The following PPARA variants were observed in gnomAD, a reference collection of about 807,000 sequenced individuals.
PPARA encodes the protein peroxisome proliferator activated receptor alpha, also known as peroxisome proliferator-activated receptor alpha.
A neutral mutation model predicts 42.2 loss-of-function variants in PPARA; 22 were observed. The observed-to-expected ratio is 0.52, with a 90% CI of 0.37 to 0.74. The LOEUF (loss-of-function observed/expected upper bound fraction) is 0.74. Ranked by LOEUF, PPARA falls within the 30% of genes least tolerant of loss-of-function variation. The pLI, the probability that PPARA is intolerant of heterozygous loss-of-function variation, is 0.00. For synonymous variants in PPARA, 242 were observed against 239.3 expected (o/e 1.01, Z -0.10); for missense variants, 465 against 608.2 (o/e 0.76, Z 2.48).
At chr22:46,155,486 T>G (rs182434785) in intron 2 of PPARA, 2 of 152,360 alleles carry the variant, frequency 1.3e-5, no homozygotes, top group African/African-American at 4.8e-5. Flanking sequence ...GGCTATTTTT[T>G]GTATTTTTAG....
chr22:46,213,939 C>T (rs567495832), intron 4 of PPARA, among the ~76,000 whole-genome samples: 9 of 152,332 alleles, frequency 5.9e-5, no homozygotes, highest in Non-Finnish European at 1.0e-4. Flanking sequence ...TATATTACCA[C>T]ATGTGTATTG....
rs1260141511 is a variant in PPARA, at chr22:46,203,475, C to T, written c.208+4884C>T. Reference sequence around the variant, plus strand: ...TAAAGTGTACAATCTGTTGGGTGTACACACACACGCATCTGTGAAACCATC... The same window carrying T: ...TAAAGTGTACAATCTGTTGGGTGTATACACACACGCATCTGTGAAACCATC... On this transcript the variant is annotated intron_variant, in intron 4 of 8. Transcript: ENST00000407236. The surrounding 1 kb of genome is among the most constrained non-coding windows in gnomAD (Gnocchi z 5.8). Among the ~76,000 whole-genome samples the T allele has an allele frequency of 6.6e-6, 1 of 152,094 alleles. No homozygotes were observed. Among genetic ancestry groups the T allele is most frequent in the Non-Finnish European group, 1.5e-5 (1 of 68,018 alleles).
At position 46,163,702 on chromosome 22, in the gene PPARA, G is replaced by C. The variant is rs1474252299; in HGVS notation, c.-127+11732G>C. 6.6e-6 allele frequency: 1 copy of C among 152,246 alleles called. No individual in the cohort carries two copies. Among genetic ancestry groups the C allele is most frequent in the Non-Finnish European group, 1.5e-5 (1 of 68,066 alleles). The allele number at this position is 152,246 out of a possible 1,614,324, so 9.4% of individuals were successfully genotyped here. A position where few individuals can be genotyped will look rare whatever the true frequency, so the allele number is the denominator to read the frequency against. Reference sequence around the variant, plus strand: ...TTGCCCAGCCAGGGCGGTGGGGAGGGAGACAGCCACATCCTGCCCGGGGCT... The same window carrying C: ...TTGCCCAGCCAGGGCGGTGGGGAGGCAGACAGCCACATCCTGCCCGGGGCT... On this transcript the variant is annotated intron_variant, in intron 2 of 8. Transcript: ENST00000407236. The surrounding 1 kb of genome is among the most constrained non-coding windows in gnomAD (Gnocchi z 4.9).
chr22:46,218,475 A>C, intron 6 of PPARA, 74 bp downstream of exon 6: 1 of 1,594,284 alleles, frequency 6.3e-7, no homozygotes, highest in Non-Finnish European at 8.6e-7. Flanking sequence ...GGAACAGATC[A>C]AGCTATGGAT....
intron 4 of PPARA, among the ~76,000 whole-genome samples, chr22:46,201,034 T>G (rs1268008958): frequency 1.3e-5 from 2 of 149,688 alleles, no homozygotes; most frequent in Non-Finnish European, 3.0e-5. Flanking sequence ...GTCAACATGG[T>G]GAAACCCCAT....
rs1930348376 is a variant in PPARA at position 46,184,181 on chromosome 22, TTGA to T, written c.-43+7352_-43+7354del. Among the ~76,000 whole-genome samples the T allele has an allele frequency of 6.6e-6, 1 of 152,180 alleles. No individual in the cohort carries two copies. Among genetic ancestry groups the T allele is most frequent in the African/African-American group, 2.4e-5 (1 of 41,446 alleles). ...GATCTGAAAAATGGCTGATGATGAT[TTGA>T]TGATGACTTCATTTTTATAAAACAA... On this transcript the variant is annotated intron_variant, in intron 3 of 8. Coordinates refer to ENST00000407236, the MANE Select transcript of PPARA (RefSeq NM_005036.6). This position sits in a 1 kb window ranked among gnomAD's most constrained non-coding sequence, Gnocchi z 4.4.
rs943424088 is a variant in PPARA, at chr22:46,156,523, C to T, written c.-127+4553C>T. 6.6e-5 allele frequency: 10 copies of T among 152,192 alleles called. No individual in the cohort carries two copies. The highest frequency in any genetic ancestry group is 2.2e-4 in the African/African-American group (9 of 41,438). 9.4% of individuals were successfully genotyped at this position (152,192 alleles called of 1,614,324 possible). A position where few individuals can be genotyped will look rare whatever the true frequency, so the allele number is the denominator to read the frequency against. On this transcript the variant is annotated intron_variant, in intron 2 of 8. Transcript: ENST00000407236. This position sits in a 1 kb window ranked among gnomAD's most constrained non-coding sequence, Gnocchi z 5.2. ...AACATGCTACCGTACCCCTTATACA[C>T]CAAAACTGGTTTTCATTTTGGAATA...
intron 3 of PPARA, among the ~76,000 whole-genome samples, chr22:46,197,958 G>A (rs967854893): frequency 5.3e-5 from 8 of 151,344 alleles, no homozygotes; most frequent in South Asian, 4.2e-4. Context: ...ACAGCCGGAC[G>A]CAGTGGCTCA....
At chr22:46,181,632 CTTT>C (rs1426128897) in intron 3 of PPARA, among the ~76,000 whole-genome samples, 1 of 152,138 alleles carries the variant, frequency 6.6e-6, no homozygotes, top group Non-Finnish European at 1.5e-5. Context: ...GAATGGCCTT[CTTT>C]TAATGTCGGG....
At chr22:46,168,272 A>T (rs1290787163) in intron 2 of PPARA, among the ~76,000 whole-genome samples, 2 of 146,022 alleles carry the variant, frequency 1.4e-5, no homozygotes, top group African/African-American at 5.2e-5. Context: ...GAATGGCGTG[A>T]ACCTGGGAGG....
chr22:46,180,044 A>G lies in PPARA; in HGVS notation c.-43+3208A>G, dbSNP rs1929724246. Among the ~76,000 whole-genome samples the G allele has an allele frequency of 6.6e-6, 1 of 152,248 alleles. No homozygotes were observed. Among genetic ancestry groups the G allele is most frequent in the African/African-American group, 2.4e-5 (1 of 41,468 alleles). On this transcript the variant is annotated intron_variant, in intron 3 of 8. Coordinates refer to ENST00000407236, the MANE Select transcript of PPARA (RefSeq NM_005036.6). This position sits in a 1 kb window ranked among gnomAD's most constrained non-coding sequence, Gnocchi z 4.2. ...GTTCTACAACTTACACAGTGGTGGT[A>G]TGATACCACTACATGCCCATTTGAA...
rs745773464 is a variant in PPARA at position 46,241,291 on chromosome 22, T to TA, written c.*5914dup. 2.0e-5 allele frequency: 3 copies of TA among 152,164 alleles called. No homozygotes were observed. The highest frequency in any genetic ancestry group is 4.4e-5 in the Non-Finnish European group (3 of 68,018). 9.4% of individuals were successfully genotyped at this position (152,164 alleles called of 1,614,324 possible). Reference sequence around the variant, plus strand: ...TTGACCCCATAGACTAGGGTAAGAATAAAGGCAATAAATTTGGTCTGACTC... The same window carrying TA: ...TTGACCCCATAGACTAGGGTAAGAATAAAAGGCAATAAATTTGGTCTGACTC... On this transcript the variant is annotated 3_prime_UTR_variant, in exon 9 of 9. Transcript: ENST00000407236. This position sits in a 1 kb window ranked among gnomAD's most constrained non-coding sequence, Gnocchi z 5.7.
chr22:46,231,687 C>G lies in PPARA; in HGVS notation c.712-105C>G, dbSNP rs2147696354. On this transcript the variant is annotated intron_variant, in intron 7 of 8. Transcript: ENST00000407236. The surrounding 1 kb of genome is among the most constrained non-coding windows in gnomAD (Gnocchi z 7.7). ...CGGGTATCTTGAGTCCTCTGAGGCA[C>G]TGAGCTTGGTGATTTGGACGCAGGA... 1 of 1,217,944 alleles carries G rather than the reference C, an allele frequency of 8.2e-7. No homozygotes were observed. Among genetic ancestry groups the G allele is most frequent in the Non-Finnish European group, 1.2e-6 (1 of 843,894 alleles). 75.4% of individuals were successfully genotyped at this position (1,217,944 alleles called of 1,614,324 possible). A position where few individuals can be genotyped will look rare whatever the true frequency, so the allele number is the denominator to read the frequency against.
chr22:46,201,539 G>A (rs1351338272), intron 4 of PPARA, among the ~76,000 whole-genome samples: 4 of 152,168 alleles, frequency 2.6e-5, no homozygotes, highest in Admixed American at 6.5e-5. Flanking sequence ...GTCAGGTGGC[G>A]CCTTGAGTGG....
intron 2 of PPARA, among the ~76,000 whole-genome samples, chr22:46,168,448 A>G (rs780532492): frequency 6.6e-6 from 1 of 151,678 alleles, no homozygotes; most frequent in African/African-American, 2.4e-5. Context: ...ACTTTTACTC[A>G]TCAGAAAACA....
At position 46,180,578 on chromosome 22, in the gene PPARA, T is replaced by C. The variant is rs1260740585; in HGVS notation, c.-43+3742T>C. Among the ~76,000 whole-genome samples, 1 of 152,216 alleles carries C rather than the reference T, an allele frequency of 6.6e-6. No homozygotes were observed. The highest frequency in any genetic ancestry group is 2.4e-5 in the African/African-American group (1 of 41,452). On this transcript the variant is annotated intron_variant, in intron 3 of 8. Transcript: ENST00000407236. The surrounding 1 kb of genome is among the most constrained non-coding windows in gnomAD (Gnocchi z 4.2). ...TGTTTTTCTTAAGATGTAAGGCATG[T>C]CACAAGAATATCACAAGATGATAAC...
chr22:46,160,496 C>T lies in PPARA; in HGVS notation c.-127+8526C>T, dbSNP rs1261066875. Among the ~76,000 whole-genome samples, 1 of 152,192 alleles carries T rather than the reference C, an allele frequency of 6.6e-6. No homozygotes were observed. The highest frequency in any genetic ancestry group is 2.4e-5 in the African/African-American group (1 of 41,434). On this transcript the variant is annotated intron_variant, in intron 2 of 8. Coordinates refer to ENST00000407236, the MANE Select transcript of PPARA (RefSeq NM_005036.6). This position sits in a 1 kb window ranked among gnomAD's most constrained non-coding sequence, Gnocchi z 4.5. ...TATTTTTAGTAGAGATGGGGTTTCA[C>T]CACGTTGGCCAGGCTGGTCTCAAAC... is the stretch of plus-strand genomic sequence containing the variant.
At position 46,163,938 on chromosome 22, in the gene PPARA, G is replaced by C. The variant is rs1018864377; in HGVS notation, c.-127+11968G>C. ...GGTGTTTTTTAAAGTCAGGTTGACCGAGTGCGGTGGCTCACGCTTGTAATC... is the reference window on the plus strand; with the variant it reads ...GGTGTTTTTTAAAGTCAGGTTGACCCAGTGCGGTGGCTCACGCTTGTAATC... On this transcript the variant is annotated intron_variant, in intron 2 of 8. Coordinates refer to ENST00000407236, the MANE Select transcript of PPARA (RefSeq NM_005036.6). This position sits in a 1 kb window ranked among gnomAD's most constrained non-coding sequence, Gnocchi z 4.9. The C allele has an allele frequency of 1.3e-5, 2 of 152,366 alleles. No individual in the cohort carries two copies. The allele number at this position is 152,366 out of a possible 1,614,324, so 9.4% of individuals were successfully genotyped here.
chr22:46,232,377 C>T lies in PPARA; in HGVS notation c.1159+138C>T. The T allele has an allele frequency of 1.3e-6, 1 of 790,204 alleles. No homozygotes were observed. Among genetic ancestry groups the T allele is most frequent in the Non-Finnish European group, 2.2e-6 (1 of 451,076 alleles). The allele number at this position is 790,204 out of a possible 1,614,324, so 48.9% of individuals were successfully genotyped here. A position where few individuals can be genotyped will look rare whatever the true frequency, so the allele number is the denominator to read the frequency against. ...TCACATGGTGGGAAGACGTCTGACC[C>T]CCAGTCACTGCTGAGAATTCAGTGG... is the stretch of plus-strand genomic sequence containing the variant. On this transcript the variant is annotated intron_variant, in intron 8 of 8. Transcript: ENST00000407236. The surrounding 1 kb of genome is among the most constrained non-coding windows in gnomAD (Gnocchi z 5.3).
Sources: allele counts gnomAD v4.1 joint callset (sites outside exome capture counted in the v4.1 genomes callset), GRCh38; gene constraint gnomAD v4.1.1; non-coding constraint Gnocchi (gnomAD v3.1); transcripts MANE v1.5; gene names NCBI Gene and HGNC (gene_info 2026-07-23, HGNC 2026-07-21).